Variants in ODAD2 observed in about 807,000 individuals in gnomAD.
ODAD2 encodes the protein outer dynein arm docking complex subunit 2, also known as outer dynein arm-docking complex subunit 2.
A neutral mutation model predicts 106.8 loss-of-function variants in ODAD2; 89 were observed. That is an observed-to-expected ratio of 0.83 (90% CI 0.70 to 0.99). The LOEUF is 0.99. Ranked by LOEUF, ODAD2 falls within the 50% of genes least tolerant of loss-of-function variation. ODAD2 has a pLI of 0.00. For missense variants in ODAD2, 1,168 were observed against 1,238.5 expected (o/e 0.94, Z 0.85); for synonymous variants, 404 against 436.2 (o/e 0.93, Z 0.92).
intron 17 of ODAD2, among the ~76,000 whole-genome samples, chr10:27,878,415 G>T (rs1841488277): frequency 6.6e-6 from 1 of 152,118 alleles, no homozygotes; most frequent in African/African-American, 2.4e-5. Context: ...TTAAATTAAT[G>T]GGTATGAAAT....
At chr10:27,956,440 G>A (rs534731046) in intron 10 of ODAD2, among the ~76,000 whole-genome samples, 2 of 152,248 alleles carry the variant, frequency 1.3e-5, no homozygotes, top group Admixed American at 6.5e-5. Flanking sequence ...GAATAAGACC[G>A]CCTGGATGAA....
chr10:27,945,643 A>G (rs1278668980), intron 10 of ODAD2, among the ~76,000 whole-genome samples: 1 of 152,212 alleles, frequency 6.6e-6, no homozygotes, highest in Non-Finnish European at 1.5e-5. Context: ...GGATTAAAAA[A>G]CAAAACCCAA....
intron 2 of ODAD2, among the ~76,000 whole-genome samples, chr10:27,991,968 C>A (rs1396653919): frequency 3.9e-5 from 6 of 152,158 alleles, no homozygotes; most frequent in Non-Finnish European, 8.8e-5. Flanking sequence ...ATAATAAATT[C>A]TTTGGGTAAT....
intron 2 of ODAD2, 67 bp from the exon 3 acceptor site, chr10:27,987,610 G>A: frequency 9.2e-7 from 1 of 1,090,846 alleles, no homozygotes; most frequent in Non-Finnish European, 1.3e-6. Context: ...TTAAATTTAA[G>A]ACATTTAGAC....
At chr10:27,862,911 A>C (rs1391435886) in intron 17 of ODAD2, among the ~76,000 whole-genome samples, 1 of 152,164 alleles carries the variant, frequency 6.6e-6, no homozygotes, top group Admixed American at 6.5e-5. Context: ...TGAGGATATC[A>C]AAGTTATTAA....
At chr10:27,880,816 T>G (rs563525421) in intron 17 of ODAD2, among the ~76,000 whole-genome samples, 5 of 152,352 alleles carry the variant, frequency 3.3e-5, no homozygotes, top group African/African-American at 1.2e-4. Flanking sequence ...TTATCCAGTC[T>G]GTAGTATTTT....
At chr10:27,822,506 C>T (rs1836691434) in intron 19 of ODAD2, among the ~76,000 whole-genome samples, 1 of 151,570 alleles carries the variant, frequency 6.6e-6, no homozygotes, top group Non-Finnish European at 1.5e-5. Flanking sequence ...TCATGCACAA[C>T]CCAGTAACAA....
In ODAD2 at chr10:27,907,897, T is replaced by G. The variant is rs915346250; in HGVS notation, c.2496-120A>C. On this transcript the variant is annotated intron_variant, in intron 16 of 19. Coordinates refer to ENST00000305242, the MANE Select transcript of ODAD2 (RefSeq NM_018076.5). ...TGATATTTTGCTTAGAATTTTTTTT[T>G]TTTTTGCAAAACTTCATCAACAGTA... is the stretch of plus-strand genomic sequence containing the variant. 5 of 679,438 alleles carry G rather than the reference T, an allele frequency of 7.4e-6. No individual in the cohort carries two copies. In the South Asian group the frequency reaches 1.1e-4, roughly 14 times the overall value. The allele number at this position is 679,438 out of a possible 1,614,324, so 42.1% of individuals were successfully genotyped here.
intron 19 of ODAD2, among the ~76,000 whole-genome samples, chr10:27,816,400 T>G (rs1446078162): frequency 6.6e-6 from 1 of 152,196 alleles, no homozygotes; most frequent in East Asian, 1.9e-4. Flanking sequence ...TTGGGAGTTT[T>G]GTATCATTCC....
intron 17 of ODAD2, among the ~76,000 whole-genome samples, chr10:27,898,851 T>G (rs1480363434): frequency 2.0e-5 from 3 of 152,178 alleles, no homozygotes; most frequent in African/African-American, 7.2e-5. Flanking sequence ...ATTTTTTGGC[T>G]GTGATAACAA....
intron 14 of ODAD2, among the ~76,000 whole-genome samples, chr10:27,939,419 CTTG>C (rs1199043993): frequency 6.6e-6 from 1 of 152,056 alleles, no homozygotes; most frequent in Non-Finnish European, 1.5e-5. Context: ...CAATGGAGTT[CTTG>C]TTAAAAATGC....
intron 9 of ODAD2, among the ~76,000 whole-genome samples, chr10:27,964,146 T>C (rs1366982345): frequency 6.6e-6 from 1 of 152,166 alleles, no homozygotes; most frequent in Admixed American, 6.6e-5. Context: ...CACTTGAACC[T>C]GGAAGGCAGA....
At chr10:27,914,647 T>A (rs1436694299) in intron 16 of ODAD2, among the ~76,000 whole-genome samples, 1 of 152,052 alleles carries the variant, frequency 6.6e-6, no homozygotes, top group African/African-American at 2.4e-5. Context: ...AAAGGAGAAA[T>A]ATAGCATTTC....
intron 19 of ODAD2, among the ~76,000 whole-genome samples, chr10:27,815,450 GCT>G (rs1471499607): frequency 2.6e-5 from 4 of 152,186 alleles, no homozygotes; most frequent in African/African-American, 4.8e-5. Context: ...ACTCCAGGCT[GCT>G]GTCTGCCTTC....
At chr10:27,835,271 A>C (rs1374663069) in intron 19 of ODAD2, among the ~76,000 whole-genome samples, 1 of 152,224 alleles carries the variant, frequency 6.6e-6, no homozygotes, top group East Asian at 1.9e-4. Flanking sequence ...AGAGAGGCTG[A>C]GGACTGAATA....
At chr10:27,925,428 G>A (rs1845187548) in intron 16 of ODAD2, among the ~76,000 whole-genome samples, 1 of 152,192 alleles carries the variant, frequency 6.6e-6, no homozygotes, top group African/African-American at 2.4e-5. Context: ...TGCAATCATG[G>A]CTTACTACAG....
In ODAD2 at chr10:27,995,096, T is replaced by C. The variant is rs567085451; in HGVS notation, c.47A>G (p.His16Arg). Residue 16 changes from histidine to arginine, a missense_variant, in exon 2 of 20, where the codon CAT (histidine) becomes CGT (arginine). His to Arg is a conservative substitution (Grantham distance 29, BLOSUM62 0). This residue lies in a region of ODAD2 where 430 missense variants were observed against 452.2 expected (regional missense o/e 0.95). Transcript: ENST00000305242. ...RKLTQWTAAG[H>R]GTGILEITPL... is the part of the protein sequence containing the mutation. ...GGTGATTTCGAGGATTCCAGTTCCA[T>C]GTCCGGCAGCAGTCCACTGCGTCAA... 62 of 1,614,158 alleles carry C rather than the reference T, an allele frequency of 3.8e-5. No homozygotes were observed. The South Asian group carries it at 6.3e-4, about 16-fold the overall frequency.
At chr10:27,881,458 C>T (rs1841701807) in intron 17 of ODAD2, among the ~76,000 whole-genome samples, 1 of 151,566 alleles carries the variant, frequency 6.6e-6, no homozygotes, top group African/African-American at 2.4e-5. Flanking sequence ...AGCAAGACTT[C>T]TGCTTCTACA....
At chr10:27,818,994 T>C (rs1427416241) in intron 19 of ODAD2, among the ~76,000 whole-genome samples, 5 of 152,224 alleles carry the variant, frequency 3.3e-5, no homozygotes, top group Non-Finnish European at 5.9e-5. Flanking sequence ...AACCTTCTCA[T>C]ATGTGTAAAG....
Sources: allele counts gnomAD v4.1 joint callset (sites outside exome capture counted in the v4.1 genomes callset), GRCh38; gene constraint gnomAD v4.1.1; regional missense constraint gnomAD v4.1.1; transcripts MANE v1.5; gene names NCBI Gene and HGNC (gene_info 2026-07-23, HGNC 2026-07-21).